Variants in CCDC47 observed in about 807,000 individuals in gnomAD.
CCDC47 encodes coiled-coil domain containing 47.
A neutral mutation model predicts 60.5 loss-of-function variants in CCDC47; 41 were observed. The observed-to-expected ratio is 0.68, with a 90% confidence interval of 0.53 to 0.88. The LOEUF is 0.88. Among genes scored for constraint, CCDC47 ranks in the 40% least tolerant of loss-of-function variants. The pLI is 0.00. For missense variants in CCDC47, 513 were observed against 580.9 expected, an observed-to-expected ratio of 0.88 and a Z score of 1.20; for synonymous variants, 195 against 190.7, an observed-to-expected ratio of 1.02 and a Z score of -0.18.
chr17:63,747,330 G>A, intron 12 of CCDC47: 1 of 982,480 alleles, frequency 1.0e-6, no homozygotes, highest in Non-Finnish European at 1.2e-6. Flanking sequence ...ATGTATAACT[G>A]CCAGAAGATA....
At chr17:63,754,301 G>A in intron 9 of CCDC47, 132 bp downstream of exon 9, 1 of 659,102 alleles carries the variant, frequency 1.5e-6, no homozygotes, top group East Asian at 2.9e-5. Context: ...TCAAAGCAAA[G>A]GAAAATGTGG....
intron 1 of CCDC47, among the ~76,000 whole-genome samples, chr17:63,770,962 T>C (rs985378686): frequency 7.7e-6 from 1 of 130,036 alleles, no homozygotes; most frequent in Non-Finnish European, 1.6e-5. Context: ...CACTCCAGCC[T>C]GGGTGACAGA....
At chr17:63,755,049 T>C (rs933117422) in intron 8 of CCDC47, among the ~76,000 whole-genome samples, 8 of 152,124 alleles carry the variant, frequency 5.3e-5, no homozygotes, top group Non-Finnish European at 1.0e-4. Context: ...TAGCTTACCA[T>C]AGCCTTAATC....
rs781509576 is a variant in CCDC47, at chr17:63,746,981, T to G, written c.1372-20A>C. On this transcript the variant is annotated intron_variant, in intron 12 of 12. Transcript: ENST00000225726. The stretch of plus-strand genomic sequence containing the variant: ...AGCCTCCTAGAGAAAGAAGGGGTAA[T>G]AAATAGAGAAAGGGAGTGGGGACGA... The G allele has an allele frequency of 1.2e-6, 2 of 1,612,088 alleles. No homozygotes were observed. Among genetic ancestry groups the G allele is most frequent in the Non-Finnish European group, 1.7e-6 (2 of 1,178,846 alleles).
chr17:63,756,502 G>A lies in CCDC47; in HGVS notation c.804C>T (p.Ala268=), dbSNP rs1375600394. 1.2e-6 allele frequency: 2 copies of A among 1,613,892 alleles called. No homozygotes were observed. Among genetic ancestry groups the A allele is most frequent in the Non-Finnish European group, 1.7e-6 (2 of 1,179,908 alleles). The change falls in exon 7 of 13, where the codon GCC becomes GCT. Residue 268 remains alanine, a synonymous_variant. Coordinates refer to ENST00000225726, the MANE Select transcript of CCDC47 (RefSeq NM_020198.3). ...GCATCTCTTTCTGTAGTCGCACCAA[G>A]GCTTTCCGTGTGCCAACAGCAAATA... The part of the protein sequence containing the change: ...TYVFAVGTRK[A]LVRLQKEMQD...
intron 4 of CCDC47, among the ~76,000 whole-genome samples, chr17:63,763,641 T>C (rs376881290): frequency 1.0e-4 from 15 of 148,250 alleles, no homozygotes; most frequent in African/African-American, 3.6e-4. Context: ...CTGGCCAACA[T>C]GGTGAAACCC....
intron 6 of CCDC47, among the ~76,000 whole-genome samples, chr17:63,758,632 T>C (rs4968599): frequency 0.7 from 106,545 of 152,086 alleles, 38,764 homozygotes; most frequent in African/African-American, 0.92. Context: ...TGGAAAACAG[T>C]CCAGACAAGT....
chr17:63,754,593 C>A (rs1166671996), intron 8 of CCDC47, 75 bp from the exon 9 acceptor site: 11 of 954,016 alleles, frequency 1.2e-5, no homozygotes, highest in African/African-American at 1.7e-5. Flanking sequence ...GATATTCACT[C>A]TTTGAGATGG....
intron 1 of CCDC47, 36 bp from the exon 2 acceptor site, chr17:63,766,230 T>C (rs2039297614): frequency 6.4e-7 from 1 of 1,557,742 alleles, no homozygotes; most frequent in Non-Finnish European, 8.6e-7. Flanking sequence ...TGGATTGCCA[T>C]TCTATACATA....
At chr17:63,759,550 TA>T (rs2039238600) in intron 6 of CCDC47, among the ~76,000 whole-genome samples, 3 of 28,624 alleles carry the variant, frequency 1.0e-4, no homozygotes, top group Non-Finnish European at 1.8e-4. Context: ...TATATATATA[TA>T]TATATATATA....
rs1419514851 is a variant in CCDC47, at chr17:63,746,399, C to T, written c.*482G>A. The T allele has an allele frequency of 1.9e-5, 3 of 153,848 alleles. No homozygotes were observed. The highest frequency in any genetic ancestry group is 1.9e-4 in the Admixed American group (3 of 15,444). 9.5% of individuals were successfully genotyped at this position (153,848 alleles called of 1,614,324 possible). On this transcript the variant is annotated 3_prime_UTR_variant, in exon 13 of 13. Coordinates refer to ENST00000225726, the MANE Select transcript of CCDC47 (RefSeq NM_020198.3). ...TTTTCTCAAGTTTAATGTAGACATACAAGAAAACATCAAGCAATGTTTATT... is the reference window on the plus strand; with the variant it reads ...TTTTCTCAAGTTTAATGTAGACATATAAGAAAACATCAAGCAATGTTTATT...
At chr17:63,768,596 G>C (rs2039313418) in intron 1 of CCDC47, among the ~76,000 whole-genome samples, 1 of 152,136 alleles carries the variant, frequency 6.6e-6, no homozygotes, top group African/African-American at 2.4e-5. Flanking sequence ...GCACTGAGGT[G>C]AGAAAATTGC....
chr17:63,772,250 G>GGT (rs2039349313), intron 1 of CCDC47, among the ~76,000 whole-genome samples: 2 of 90,536 alleles, frequency 2.2e-5, no homozygotes, highest in Non-Finnish European at 4.0e-5. Context: ...TGTACCAAGG[G>GGT]TTTTTTTTTT....
At chr17:63,747,107 T>C in intron 12 of CCDC47, 146 bp from the exon 13 acceptor site, 2 of 1,350,386 alleles carry the variant, frequency 1.5e-6, no homozygotes, top group Non-Finnish European at 1.9e-6. Flanking sequence ...CATAACATTC[T>C]AGAAGATAGT....
intron 4 of CCDC47, chr17:63,761,559 T>C (rs1395634518): frequency 8.6e-6 from 3 of 348,532 alleles, no homozygotes; most frequent in Admixed American, 4.4e-5. Flanking sequence ...TAGCCGGGCA[T>C]GGTGGCGCGT....
chr17:63,771,045 G>GAAGGAAGGAAGAAGAAAGAAAGA (rs759971442), intron 1 of CCDC47, among the ~76,000 whole-genome samples: 16 of 97,820 alleles, frequency 1.6e-4, no homozygotes, highest in Admixed American at 1.1e-3. Context: ...AGGAAGGAAG[G>GAAGGAAGGAAGAAGAAAGAAAGA]AAGAAAGAAA....
intron 4 of CCDC47, chr17:63,761,588 T>G (rs565769154): frequency 2.7e-4 from 74 of 276,028 alleles, no homozygotes; most frequent in Non-Finnish European, 4.5e-4. Context: ...TCCCAGCTAC[T>G]CAGGAGGCTG....
Position 63,753,475 on chromosome 17 carries a change from G to C in CCDC47, c.1035-676C>G, listed in dbSNP as rs1384920675. The C allele has an allele frequency of 1.8e-5, 4 of 227,216 alleles. No homozygotes were observed. The East Asian group carries it at 7.3e-4, about 41-fold the overall frequency. 14.1% of individuals were successfully genotyped at this position (227,216 alleles called of 1,614,324 possible). On this transcript the variant is annotated intron_variant, in intron 9 of 12. Coordinates refer to ENST00000225726, the MANE Select transcript of CCDC47 (RefSeq NM_020198.3). ...TAGTATACAACTAAAATCCAGATTGGCTTGAATTGTGCTCAACTCCACAGC... is the reference window on the plus strand; with the variant it reads ...TAGTATACAACTAAAATCCAGATTGCCTTGAATTGTGCTCAACTCCACAGC...
At chr17:63,761,513 C>CAAA in intron 4 of CCDC47, 162 bp from the exon 5 acceptor site, 1 of 343,446 alleles carries the variant, frequency 2.9e-6, no homozygotes, top group Non-Finnish European at 4.6e-6. Flanking sequence ...AACCCTGTCC[C>CAAA]TACTAAAAAA....
Sources: allele counts gnomAD v4.1 joint callset (sites outside exome capture counted in the v4.1 genomes callset), GRCh38; gene constraint gnomAD v4.1.1; transcripts MANE v1.5; gene names NCBI Gene and HGNC (gene_info 2026-07-23, HGNC 2026-07-21).